Variants in CAV1 observed in about 807,000 individuals in gnomAD.
CAV1 encodes the protein caveolin-1.
Under a neutral mutation model 16.5 loss-of-function variants are expected in CAV1, and 10 were observed. The observed-to-expected ratio is 0.61, with a 90% confidence interval of 0.37 to 1.03. The LOEUF (loss-of-function observed/expected upper bound fraction) is 1.03. CAV1 is among the 50% of genes least tolerant of loss of function. CAV1 has a pLI of 0.01. For synonymous variants in CAV1, 76 were observed against 85.1 expected (o/e 0.89, Z 0.59); for missense variants, 212 against 232.8 (o/e 0.91, Z 0.58).
chr7:116,533,344 AAAAT>A (rs201606503), intron 2 of CAV1, among the ~76,000 whole-genome samples: 13,562 of 60,800 alleles, frequency 0.22, 1,071 homozygotes, highest in East Asian at 0.52. Context: ...CTCAAAAAAT[AAAAT>A]AAATAAAATA....
chr7:116,535,251 C>T (rs538802323), intron 2 of CAV1, among the ~76,000 whole-genome samples: 3 of 152,364 alleles, frequency 2.0e-5, no homozygotes, highest in South Asian at 4.1e-4. Context: ...AGTCCCTACT[C>T]ATGCTATTTT....
At chr7:116,536,729 C>T (rs1172810758) in intron 2 of CAV1, among the ~76,000 whole-genome samples, 4 of 152,142 alleles carry the variant, frequency 2.6e-5, no homozygotes, top group African/African-American at 9.7e-5. Flanking sequence ...TAAGGCCGGG[C>T]GCGGTGGCTC....
chr7:116,534,360 C>CAGAGAT (rs1387061469), intron 2 of CAV1, among the ~76,000 whole-genome samples: 2 of 78,904 alleles, frequency 2.5e-5, no homozygotes, highest in Admixed American at 1.7e-4. Flanking sequence ...GGGCCCACCT[C>CAGAGAT]AGATATATAT....
chr7:116,534,017 G>A (rs1310697243), intron 2 of CAV1, among the ~76,000 whole-genome samples: 1 of 151,950 alleles, frequency 6.6e-6, no homozygotes, highest in Non-Finnish European at 1.5e-5. Context: ...AGGAGTTTGA[G>A]ACCAGCCTGG....
chr7:116,550,583 GT>G (rs1562836042), intron 2 of CAV1, among the ~76,000 whole-genome samples: 2 of 152,208 alleles, frequency 1.3e-5, no homozygotes, highest in Admixed American at 1.3e-4. Context: ...ACATTTAATT[GT>G]GCTATTTCTC....
intron 2 of CAV1, among the ~76,000 whole-genome samples, chr7:116,534,549 G>A (rs1038973135): frequency 7.3e-5 from 11 of 149,874 alleles, no homozygotes; most frequent in South Asian, 2.2e-4. Flanking sequence ...ACAGGCGCCC[G>A]CCACCACGGC....
intron 2 of CAV1, among the ~76,000 whole-genome samples, chr7:116,554,214 G>A (rs978513273): frequency 3.9e-5 from 6 of 152,172 alleles, no homozygotes; most frequent in South Asian, 2.1e-4. Flanking sequence ...TTATTTAGCC[G>A]AGCTTTGTTG....
chr7:116,526,735 T>C, intron 2 of CAV1, 46 bp downstream of exon 2: 2 of 1,610,914 alleles, frequency 1.2e-6, no homozygotes, highest in Non-Finnish European at 8.5e-7. Context: ...AGCTCTCCTC[T>C]GGCAGTTAGC....
chr7:116,530,277 A>T (rs1208245807), intron 2 of CAV1, among the ~76,000 whole-genome samples: 4 of 140,814 alleles, frequency 2.8e-5, no homozygotes, highest in African/African-American at 1.1e-4. Context: ...AGTTTCATTA[A>T]TTCATGTTCC....
chr7:116,543,308 A>G (rs768612534), intron 2 of CAV1, among the ~76,000 whole-genome samples: 1 of 152,180 alleles, frequency 6.6e-6, no homozygotes, highest in Non-Finnish European at 1.5e-5. Flanking sequence ...TAGTATTTTT[A>G]TTACCCTCTT....
intron 2 of CAV1, among the ~76,000 whole-genome samples, chr7:116,539,474 G>T (rs1488593662): frequency 6.6e-6 from 1 of 151,960 alleles, no homozygotes. Context: ...AAAGACACTG[G>T]GATTACATTA....
In CAV1 at chr7:116,558,928, G is replaced by A; in HGVS notation, c.196-18G>A. 6.4e-7 allele frequency: 1 copy of A among 1,572,842 alleles called. No homozygotes were observed. The highest frequency in any genetic ancestry group is 1.1e-5 in the South Asian group (1 of 89,900). The stretch of plus-strand genomic sequence containing the variant: ...TTCTTCTATTCTGTGCTCATGTTGT[G>A]TCACTTCTTCCTTTTAGATTGACTT... On this transcript the variant is annotated intron_variant, in intron 2 of 2. Transcript: ENST00000341049.
chr7:116,558,634 T>C (rs1794338947), intron 2 of CAV1, among the ~76,000 whole-genome samples: 1 of 150,010 alleles, frequency 6.7e-6, no homozygotes, highest in South Asian at 2.1e-4. Flanking sequence ...GAACCTGTGG[T>C]CCCAGCTACT....
chr7:116,549,415 C>T (rs1020824198), intron 2 of CAV1, among the ~76,000 whole-genome samples: 3 of 152,198 alleles, frequency 2.0e-5, no homozygotes, highest in African/African-American at 7.2e-5. Context: ...CTTGAATTAT[C>T]CCCTTGTCAG....
intron 2 of CAV1, among the ~76,000 whole-genome samples, chr7:116,542,514 C>T (rs754428205): frequency 1.6e-4 from 24 of 152,150 alleles, no homozygotes; most frequent in Non-Finnish European, 2.9e-4. Flanking sequence ...CATGACAAGA[C>T]TTTCAGGACC....
intron 2 of CAV1, among the ~76,000 whole-genome samples, chr7:116,555,542 G>GAGAGAA (rs1478856618): frequency 3.6e-3 from 43 of 12,082 alleles, no homozygotes; most frequent in South Asian, 9.8e-3. Context: ...GAGAGAGAGA[G>GAGAGAA]AGAAAGAAAG....
chr7:116,525,663 A>T, intron 1 of CAV1: 1 of 1,087,808 alleles, frequency 9.2e-7, no homozygotes, highest in Non-Finnish European at 1.1e-6. Flanking sequence ...CCCTCCCCAA[A>T]CTGCCACCAT....
chr7:116,545,811 T>G (rs1794033949), intron 2 of CAV1, among the ~76,000 whole-genome samples: 1 of 152,248 alleles, frequency 6.6e-6, no homozygotes, highest in African/African-American at 2.4e-5. Context: ...TTCTTTAGTG[T>G]GGCAATCATT....
intron 2 of CAV1, chr7:116,542,949 A>T (rs10241283): frequency 6.6e-6 from 1 of 152,094 alleles, no homozygotes; most frequent in Non-Finnish European, 1.5e-5. Context: ...GGACAGGCAG[A>T]CATCATTCTT....
Sources: gnomAD v4.1 joint callset for allele counts (sites outside exome capture counted in the v4.1 genomes callset) on GRCh38, gnomAD v4.1.1 for gene constraint, MANE v1.5 for transcripts, NCBI Gene and HGNC (gene_info 2026-07-23, HGNC 2026-07-21) for gene names.